ZNF578: variants seen among roughly 807,000 people sequenced by gnomAD.
ZNF578 encodes the protein zinc finger protein 578.
ZNF578 carries 8 observed loss-of-function variants against 8.3 expected under a neutral mutation model. The ratio of observed to expected loss-of-function variants is 0.96; its 90% CI spans 0.56 to 1.74. The LOEUF is 1.74. ZNF578 is among the 40% of genes most tolerant of loss of function. ZNF578 has a pLI of 0.00. For missense variants in ZNF578, 726 were observed against 707.5 expected, an observed-to-expected ratio of 1.03 and a Z score of -0.30; for synonymous variants, 206 against 232.2, an observed-to-expected ratio of 0.89 and a Z score of 1.03.
chr19:52,496,324 T>TATTTATTTATTTATTTCTTTA (rs1301134040), intron 3 of ZNF578, among the ~76,000 whole-genome samples: 1 of 123,332 alleles, frequency 8.1e-6, no homozygotes, highest in Non-Finnish European at 1.9e-5. Context: ...CCTCATTTGT[T>TATTTATTTATTTATTTCTTTA]GTTATTTATT....
At chr19:52,494,784 G>A (rs1196978773) in intron 3 of ZNF578, among the ~76,000 whole-genome samples, 1 of 152,012 alleles carries the variant, frequency 6.6e-6, no homozygotes, top group Non-Finnish European at 1.5e-5. Context: ...AAGTGGGGCA[G>A]TGATGTGGAA....
chr19:52,478,683 C>A (rs1190661566), intron 2 of ZNF578, among the ~76,000 whole-genome samples: 1 of 152,000 alleles, frequency 6.6e-6, no homozygotes, highest in Non-Finnish European at 1.5e-5. Context: ...AACTTTAAGG[C>A]CTGCTTGATG....
chr19:52,460,893 C>T (rs1201772744), intron 2 of ZNF578, among the ~76,000 whole-genome samples: 1 of 152,086 alleles, frequency 6.6e-6, no homozygotes, highest in Non-Finnish European at 1.5e-5. Context: ...CAACACCACC[C>T]ATTTTTTCTT....
At chr19:52,484,479 T>C (rs901447893) in intron 2 of ZNF578, among the ~76,000 whole-genome samples, 5 of 152,136 alleles carry the variant, frequency 3.3e-5, no homozygotes, top group African/African-American at 1.2e-4. Flanking sequence ...GGGAGAAACT[T>C]TGGACAATAC....
intron 3 of ZNF578, among the ~76,000 whole-genome samples, chr19:52,492,021 T>G (rs324744): frequency 0.54 from 81,430 of 150,440 alleles, 21,945 homozygotes; most frequent in Admixed American, 0.59. Context: ...TTAGCTGGGC[T>G]TCGTGGTGGT....
intron 2 of ZNF578, among the ~76,000 whole-genome samples, chr19:52,459,654 T>C (rs199515385): frequency 7.3e-5 from 10 of 137,328 alleles, no homozygotes; most frequent in African/African-American, 2.3e-4. Context: ...CACACACATA[T>C]ATATACTACC....
At chr19:52,505,167 G>A (rs374964142) in intron 5 of ZNF578, among the ~76,000 whole-genome samples, 4 of 152,288 alleles carry the variant, frequency 2.6e-5, no homozygotes, top group African/African-American at 4.8e-5. Context: ...GATTACAGGC[G>A]TGAGCCACCA....
intron 3 of ZNF578, among the ~76,000 whole-genome samples, chr19:52,500,046 C>T (rs1315628587): frequency 2.6e-5 from 4 of 152,092 alleles, no homozygotes; most frequent in Admixed American, 6.6e-5. Context: ...GGATGCTCTT[C>T]CCCTCAGCTG....
intron 2 of ZNF578, among the ~76,000 whole-genome samples, chr19:52,469,000 C>G (rs1026760667): frequency 1.1e-4 from 16 of 152,128 alleles, no homozygotes; most frequent in African/African-American, 3.9e-4. Context: ...ACCAGCTTCT[C>G]TCTTCTCCAG....
In ZNF578 at chr19:52,511,814, C is replaced by T. The variant is rs746409386; in HGVS notation, c.1433C>T (p.Thr478Ile). ...SNLERHKIIH[T>I]GEKPYKCNEC... ...CTTGAGAGACACAAGATAATTCATA[C>T]TGGAGAGAAACCTTACAAGTGTAAT... The change falls in exon 6 of 6, where the codon ACT becomes ATT. Residue 478 changes from threonine to isoleucine, a missense_variant. By Grantham distance (89) the Thr-to-Ile change is moderately conservative. Transcript: ENST00000421239. The T allele has an allele frequency of 1.9e-6, 3 of 1,613,792 alleles. No homozygotes were observed. Among genetic ancestry groups the T allele is most frequent in the South Asian group, 2.2e-5 (2 of 91,078 alleles).
chr19:52,498,712 G>A (rs2122922969), intron 3 of ZNF578, among the ~76,000 whole-genome samples: 1 of 71,932 alleles, frequency 1.4e-5, no homozygotes, highest in Non-Finnish European at 2.8e-5. Context: ...GTAAGACAGA[G>A]TGTCACCCTA....
chr19:52,505,470 C>T (rs1171800755), intron 5 of ZNF578, among the ~76,000 whole-genome samples: 5 of 151,922 alleles, frequency 3.3e-5, no homozygotes, highest in Admixed American at 6.6e-5. Flanking sequence ...TCACCCAGGC[C>T]GACTGCAGTG....
At chr19:52,485,931 G>A (rs578043506) in intron 2 of ZNF578, among the ~76,000 whole-genome samples, 2 of 152,222 alleles carry the variant, frequency 1.3e-5, no homozygotes, top group Admixed American at 6.5e-5. Context: ...GGAAAGACCC[G>A]ACCATCCCCC....
At chr19:52,465,884 C>T (rs1052507379) in intron 2 of ZNF578, among the ~76,000 whole-genome samples, 1 of 152,222 alleles carries the variant, frequency 6.6e-6, no homozygotes, top group African/African-American at 2.4e-5. Flanking sequence ...TTGAGCGTTC[C>T]TTTACCAGAT....
intron 3 of ZNF578, among the ~76,000 whole-genome samples, chr19:52,495,962 T>C (rs1344554678): frequency 6.6e-6 from 1 of 152,144 alleles, no homozygotes; most frequent in African/African-American, 2.4e-5. Flanking sequence ...GCTTTTTTTC[T>C]CTTTTTGTAA....
intron 2 of ZNF578, among the ~76,000 whole-genome samples, chr19:52,480,930 A>T (rs1218917932): frequency 1.4e-5 from 2 of 147,796 alleles, no homozygotes; most frequent in African/African-American, 2.5e-5. Context: ...TAATAATAAT[A>T]ATAATAATAA....
At chr19:52,493,447 C>T (rs1472662707) in intron 3 of ZNF578, among the ~76,000 whole-genome samples, 2 of 152,306 alleles carry the variant, frequency 1.3e-5, no homozygotes, top group African/African-American at 4.8e-5. Context: ...TTCCACCCCC[C>T]GGAAAATGCG....
chr19:52,506,193 C>T (rs1407353007), intron 5 of ZNF578, among the ~76,000 whole-genome samples: 2 of 152,226 alleles, frequency 1.3e-5, no homozygotes, highest in Non-Finnish European at 2.9e-5. Flanking sequence ...GCCACCACCC[C>T]TGGCCCCATC....
In ZNF578 at chr19:52,515,646, A is replaced by T. The variant is rs2059471487; in HGVS notation, c.*3492A>T. On this transcript the variant is annotated 3_prime_UTR_variant, in exon 6 of 6. Coordinates refer to ENST00000421239, the MANE Select transcript of ZNF578 (RefSeq NM_001099694.2). ...CAGTGAGCCTCCCTGCAACTTGGCG[A>T]CGAGGGGCTTGACCAGAAAAGGTCA... is the stretch of plus-strand genomic sequence containing the variant. Among the ~76,000 whole-genome samples the T allele has an allele frequency of 6.6e-6, 1 of 151,924 alleles. No homozygotes were observed. The highest frequency in any genetic ancestry group is 6.6e-5 in the Admixed American group (1 of 15,246).
Sources: gnomAD v4.1 joint callset for allele counts (sites outside exome capture counted in the v4.1 genomes callset) on GRCh38, gnomAD v4.1.1 for gene constraint, MANE v1.5 for transcripts, NCBI Gene and HGNC (gene_info 2026-07-23, HGNC 2026-07-21) for gene names.